Variants in PRKN observed in about 807,000 individuals in gnomAD.
The protein encoded by PRKN is parkin RBR E3 ubiquitin protein ligase.
A neutral mutation model predicts 59.5 loss-of-function variants in PRKN; 56 were observed. That is an observed-to-expected ratio of 0.94 (90% CI 0.76 to 1.18). PRKN has a LOEUF of 1.18. Among genes scored for constraint, PRKN ranks in the 50% most tolerant of loss-of-function variants. PRKN has a pLI of 0.00. For missense variants in PRKN, 657 were observed against 596.4 expected (o/e 1.10, Z -1.06); for synonymous variants, 250 against 222.1 (o/e 1.13, Z -1.12).
intron 2 of PRKN, among the ~76,000 whole-genome samples, chr6:162,372,876 T>C (rs371920849): frequency 6.6e-6 from 1 of 152,276 alleles, no homozygotes; most frequent in East Asian, 1.9e-4. Flanking sequence ...AGGCAAGAAA[T>C]TTCAGTGGAG....
At chr6:162,512,418 TTACC>T (rs1777667444) in intron 1 of PRKN, among the ~76,000 whole-genome samples, 1 of 152,146 alleles carries the variant, frequency 6.6e-6, no homozygotes, top group Admixed American at 6.5e-5. Context: ...CTAGTCTCAA[TTACC>T]AGCATGCAAC....
At chr6:162,113,750 T>C (rs1249786455) in intron 4 of PRKN, among the ~76,000 whole-genome samples, 1 of 152,252 alleles carries the variant, frequency 6.6e-6, no homozygotes, top group African/African-American at 2.4e-5. Flanking sequence ...TTGGCTTTTG[T>C]TGCCATTGTT....
At chr6:162,206,772 C>G (rs1784961396) in intron 3 of PRKN, among the ~76,000 whole-genome samples, 1 of 152,100 alleles carries the variant, frequency 6.6e-6, no homozygotes, top group Admixed American at 6.6e-5. Flanking sequence ...AGGATTATTG[C>G]TACTGTATTT....
intron 1 of PRKN, among the ~76,000 whole-genome samples, chr6:162,592,984 A>G (rs1382180664): frequency 1.3e-5 from 2 of 152,032 alleles, no homozygotes; most frequent in African/African-American, 2.4e-5. Flanking sequence ...AATCACAGAC[A>G]TGCAAGGCAG....
chr6:162,144,594 G>A (rs1445040287), intron 4 of PRKN, among the ~76,000 whole-genome samples: 1 of 152,160 alleles, frequency 6.6e-6, no homozygotes, highest in African/African-American at 2.4e-5. Flanking sequence ...AGGACCTATG[G>A]TCACAGGCCC....
intron 7 of PRKN, among the ~76,000 whole-genome samples, chr6:161,745,449 G>A (rs1262141521): frequency 1.3e-5 from 2 of 152,152 alleles, no homozygotes; most frequent in Non-Finnish European, 2.9e-5. Flanking sequence ...AGAGATGCAA[G>A]AAGAAAAGCA....
At chr6:162,160,985 T>A (rs558152103) in intron 4 of PRKN, among the ~76,000 whole-genome samples, 1 of 151,796 alleles carries the variant, frequency 6.6e-6, no homozygotes, top group South Asian at 2.1e-4. Flanking sequence ...AGGCACCTTA[T>A]GCAGAAATCA....
At chr6:162,090,855 T>C (rs1167017722) in intron 4 of PRKN, among the ~76,000 whole-genome samples, 1 of 152,174 alleles carries the variant, frequency 6.6e-6, no homozygotes, top group Non-Finnish European at 1.5e-5. Context: ...CCATGGAATT[T>C]GATGATTCAT....
chr6:161,670,244 G>A (rs909639242), intron 7 of PRKN, among the ~76,000 whole-genome samples: 4 of 152,152 alleles, frequency 2.6e-5, no homozygotes, highest in Admixed American at 6.5e-5. Context: ...GGAGGTAGGA[G>A]ATAATGAAGG....
chr6:161,415,746 C>G lies in PRKN; in HGVS notation c.1084-28869G>C, dbSNP rs543980543. Among the ~76,000 whole-genome samples, 299 of 151,858 alleles carry G rather than the reference C, an allele frequency of 2.0e-3. 5 individuals carry two copies. The highest frequency in any genetic ancestry group is 5.3e-4 in the Non-Finnish European group (36 of 67,952). On this transcript the variant is annotated intron_variant, in intron 9 of 11. Transcript: ENST00000366898. ...CCAGACAGCAGTCAGAGCAGGACTT[C>G]AGATGTTGTCAGTTCTGCTCTCACT... is the stretch of plus-strand genomic sequence containing the variant.
intron 4 of PRKN, among the ~76,000 whole-genome samples, chr6:162,089,258 C>A (rs1203969432): frequency 6.6e-6 from 1 of 152,026 alleles, no homozygotes; most frequent in African/African-American, 2.4e-5. Flanking sequence ...GACATTTTTC[C>A]AAGGAAGTTA....
At chr6:161,580,539 C>T (rs1283846557) in intron 7 of PRKN, among the ~76,000 whole-genome samples, 1 of 152,054 alleles carries the variant, frequency 6.6e-6, no homozygotes. Flanking sequence ...TGCAGTGGTG[C>T]AATCTCGGCT....
At chr6:162,277,895 C>T (rs4708948) in intron 2 of PRKN, among the ~76,000 whole-genome samples, 37,031 of 152,084 alleles carry the variant, frequency 0.24, 6,902 homozygotes, top group East Asian at 0.53. Flanking sequence ...ACTATAACCA[C>T]ACAATGCAGC....
At chr6:161,909,875 T>C (rs919346314) in intron 6 of PRKN, among the ~76,000 whole-genome samples, 3 of 152,218 alleles carry the variant, frequency 2.0e-5, no homozygotes, top group Non-Finnish European at 4.4e-5. Context: ...ACTATTCTCT[T>C]GGCAATAGTG....
At chr6:162,428,203 G>A (rs1267470499) in intron 2 of PRKN, among the ~76,000 whole-genome samples, 1 of 152,138 alleles carries the variant, frequency 6.6e-6, no homozygotes, top group East Asian at 1.9e-4. Flanking sequence ...AAAAGAACAA[G>A]CATGCTAATC....
At chr6:162,031,254 G>C (rs754062434) in intron 5 of PRKN, among the ~76,000 whole-genome samples, 9 of 150,446 alleles carry the variant, frequency 6.0e-5, no homozygotes, top group Non-Finnish European at 1.2e-4. Context: ...TTTTTTTAAT[G>C]ATAACAAATG....
At chr6:162,005,536 C>G (rs77562214) in intron 5 of PRKN, among the ~76,000 whole-genome samples, 11,941 of 139,464 alleles carry the variant, frequency 0.086, 537 homozygotes, top group Middle Eastern at 0.12. Flanking sequence ...CTCTGCAGGA[C>G]TATTAAATTG....
chr6:162,183,780 G>A (rs996233713), intron 4 of PRKN, among the ~76,000 whole-genome samples: 3 of 152,118 alleles, frequency 2.0e-5, no homozygotes, highest in African/African-American at 7.2e-5. Context: ...GCCGCAGTAT[G>A]CCGCCCCTCG....
chr6:161,373,730 C>T lies in PRKN; in HGVS notation c.1167+13064G>A, dbSNP rs74552265. The stretch of plus-strand genomic sequence containing the variant: ...GTGCTTGCAAGGAACAAGTGTAGAG[C>T]AGGTGAACCGTTTTCCTCACACATG... On this transcript the variant is annotated intron_variant, in intron 10 of 11. Transcript: ENST00000366898. This position sits in a 1 kb window ranked among gnomAD's most constrained non-coding sequence, Gnocchi z 4.8. 6.4e-3 allele frequency among the ~76,000 whole-genome samples: 971 copies of T among 152,208 alleles called. 3 individuals are homozygous for T. Among genetic ancestry groups the T allele is most frequent in the Non-Finnish European group, 0.011 (775 of 68,008 alleles).
Sources: allele counts gnomAD v4.1 joint callset (sites outside exome capture counted in the v4.1 genomes callset), GRCh38; gene constraint gnomAD v4.1.1; non-coding constraint Gnocchi (gnomAD v3.1); transcripts MANE v1.5; gene names NCBI Gene and HGNC (gene_info 2026-07-23, HGNC 2026-07-21).